The following VWA2 variants were observed in gnomAD, a reference collection of about 807,000 sequenced individuals.
The protein encoded by VWA2 is von Willebrand factor A domain containing 2.
A neutral mutation model predicts 70.4 loss-of-function variants in VWA2; 73 were observed. The ratio of observed to expected loss-of-function variants is 1.04; its 90% CI spans 0.86 to 1.26. The LOEUF (loss-of-function observed/expected upper bound fraction) is 1.26, where lower values mean the gene tolerates loss of function less well. VWA2 is among the 50% of genes most tolerant of loss of function. The pLI is 0.00. For missense variants in VWA2, 1,011 were observed against 998.5 expected (o/e 1.01, Z -0.17); for synonymous variants, 407 against 423.3 (o/e 0.96, Z 0.47).
intron 5 of VWA2, among the ~76,000 whole-genome samples, chr10:114,268,488 T>C (rs976831516): frequency 6.6e-6 from 1 of 152,010 alleles, no homozygotes; most frequent in Non-Finnish European, 1.5e-5. Flanking sequence ...GAGAATTATA[T>C]GGGCATATGC....
At chr10:114,256,550 C>T (rs2037332029) in intron 4 of VWA2, among the ~76,000 whole-genome samples, 2 of 152,158 alleles carry the variant, frequency 1.3e-5, no homozygotes. Context: ...CAGAGGCAGA[C>T]TCATCAATAC....
In VWA2 at chr10:114,278,959, A is replaced by T. The variant is rs2037924211; in HGVS notation, c.833+108A>T. The T allele has an allele frequency of 3.3e-6, 5 of 1,512,298 alleles. No individual in the cohort carries two copies. The South Asian group carries it at 6.1e-5, about 19-fold the overall frequency. The allele number at this position is 1,512,298 out of a possible 1,614,324, so 93.7% of individuals were successfully genotyped here. On this transcript the variant is annotated intron_variant, in intron 8 of 13. Coordinates refer to ENST00000392982, the MANE Select transcript of VWA2 (RefSeq NM_001272046.2). ...CCCTGCCATGGAGATTGTGACAGGG[A>T]TCGAAGGAGACCTGGGAGGGAGCCA...
intron 1 of VWA2, among the ~76,000 whole-genome samples, chr10:114,242,507 C>T (rs942868828): frequency 1.3e-5 from 2 of 151,660 alleles, no homozygotes; most frequent in Non-Finnish European, 2.9e-5. Context: ...CCCTGTGTAC[C>T]AGTAAATCTG....
chr10:114,266,032 T>C (rs1319740369), intron 5 of VWA2, among the ~76,000 whole-genome samples: 1 of 152,110 alleles, frequency 6.6e-6, no homozygotes, highest in Admixed American at 6.6e-5. Flanking sequence ...GCGCGGTGGC[T>C]CACGTCTGTA....
chr10:114,259,799 A>G (rs1432672656), intron 4 of VWA2, among the ~76,000 whole-genome samples: 2 of 152,172 alleles, frequency 1.3e-5, no homozygotes, highest in Non-Finnish European at 2.9e-5. Context: ...CTTCTTCCTG[A>G]GATCACCTAC....
chr10:114,250,247 C>T (rs1022376316), intron 2 of VWA2, among the ~76,000 whole-genome samples: 12 of 152,212 alleles, frequency 7.9e-5, no homozygotes, highest in Admixed American at 6.5e-5. Flanking sequence ...TCTTTATTCA[C>T]CACTATATTA....
At chr10:114,248,968 C>T (rs931451395) in intron 2 of VWA2, among the ~76,000 whole-genome samples, 4 of 152,008 alleles carry the variant, frequency 2.6e-5, no homozygotes, top group Non-Finnish European at 4.4e-5. Context: ...CTGGGTCCCC[C>T]GGTCCTCCTC....
At chr10:114,269,546 A>G (rs1178622853) in intron 5 of VWA2, among the ~76,000 whole-genome samples, 1 of 151,868 alleles carries the variant, frequency 6.6e-6, no homozygotes, top group Non-Finnish European at 1.5e-5. Flanking sequence ...ATGCCACAAC[A>G]CTCCAGCCTG....
chr10:114,268,423 G>T (rs2037622008), intron 5 of VWA2, among the ~76,000 whole-genome samples: 1 of 152,096 alleles, frequency 6.6e-6, no homozygotes, highest in African/African-American at 2.4e-5. Flanking sequence ...CTCATGAGTG[G>T]CATAACCTTA....
chr10:114,251,646 A>G (rs2037197795), intron 2 of VWA2, among the ~76,000 whole-genome samples: 1 of 152,054 alleles, frequency 6.6e-6, no homozygotes, highest in African/African-American at 2.4e-5. Context: ...GTTTACGCAG[A>G]GGGCTGGGCG....
chr10:114,285,906 G>T, intron 10 of VWA2, 33 bp from the exon 11 acceptor site: 1 of 1,551,740 alleles, frequency 6.4e-7, no homozygotes, highest in Non-Finnish European at 8.7e-7. Flanking sequence ...CATGACCATG[G>T]CTTGACAGTG....
intron 5 of VWA2, among the ~76,000 whole-genome samples, chr10:114,264,426 T>C (rs1433518314): frequency 6.6e-6 from 1 of 151,724 alleles, no homozygotes; most frequent in Non-Finnish European, 1.5e-5. Flanking sequence ...ACGTTTTCTT[T>C]TTTTTTTTTG....
At chr10:114,261,417 C>G in intron 5 of VWA2, 122 bp downstream of exon 5, 1 of 647,506 alleles carries the variant, frequency 1.5e-6, no homozygotes, top group South Asian at 2.2e-5. Context: ...TTCAGGAGTC[C>G]AGCTGGGCAC....
chr10:114,240,976 A>G (rs2036965463), intron 1 of VWA2, among the ~76,000 whole-genome samples: 1 of 152,234 alleles, frequency 6.6e-6, no homozygotes, highest in South Asian at 2.1e-4. Flanking sequence ...GATTACAGCC[A>G]GTATTTCCCC....
chr10:114,266,664 G>A (rs746050204), intron 5 of VWA2, among the ~76,000 whole-genome samples: 23 of 152,186 alleles, frequency 1.5e-4, no homozygotes, highest in Non-Finnish European at 2.8e-4. Context: ...CTGGTGATTG[G>A]TTCCTGAATG....
chr10:114,286,392 G>A lies in VWA2; in HGVS notation c.1451G>A (p.Arg484Gln), dbSNP rs748656402. The A allele has an allele frequency of 7.4e-6, 12 of 1,613,882 alleles. No individual in the cohort carries two copies. The highest frequency in any genetic ancestry group is 4.4e-5 in the South Asian group (4 of 91,080). The change falls in exon 11 of 14, where the codon CGG (arginine) becomes CAG (glutamine). Residue 484 changes from arginine to glutamine, a missense_variant. Arg to Gln is a conservative substitution (Grantham distance 43). Coordinates refer to ENST00000392982, the MANE Select transcript of VWA2 (RefSeq NM_001272046.2). The part of the protein sequence containing the change: ...LLLGVGSEAV[R>Q]AELEEITGSP... ...CTGGGTGTAGGCAGTGAGGCCGTGC[G>A]GGCAGAGCTGGAGGAGATCACAGGC...
chr10:114,239,755 G>T (rs1030424740), intron 1 of VWA2, among the ~76,000 whole-genome samples, 186 bp downstream of exon 1: 2 of 152,238 alleles, frequency 1.3e-5, no homozygotes, highest in Non-Finnish European at 2.9e-5. Context: ...CCTGAGCGCG[G>T]CCTTCCTGGC....
At position 114,289,069 on chromosome 10, in the gene VWA2, ACAC is replaced by A; in HGVS notation, c.1703_1705del (p.Thr568_Gln569delinsLys). On this transcript the variant is annotated inframe_deletion, in exon 12 of 14. Coordinates refer to ENST00000392982, the MANE Select transcript of VWA2 (RefSeq NM_001272046.2). ...CCAGTTTGAGGTGAACCCTGACGTGACACAGGTCGGCCTGGTGGTGTATGGCAG... is the reference window on the plus strand; with the variant it reads ...CCAGTTTGAGGTGAACCCTGACGTGAAGGTCGGCCTGGTGGTGTATGGCAG... The A allele has an allele frequency of 6.2e-7, 1 of 1,614,140 alleles. No homozygotes were observed. Among genetic ancestry groups the A allele is most frequent in the Non-Finnish European group, 8.5e-7 (1 of 1,180,042 alleles).
intron 1 of VWA2, among the ~76,000 whole-genome samples, chr10:114,239,974 G>A (rs1352550546): frequency 5.9e-5 from 9 of 152,282 alleles, no homozygotes; most frequent in East Asian, 5.8e-4. Flanking sequence ...TGGCGGCCGC[G>A]GAAAGGGACT....
Sources: allele counts gnomAD v4.1 joint callset (sites outside exome capture counted in the v4.1 genomes callset), GRCh38; gene constraint gnomAD v4.1.1; transcripts MANE v1.5; gene names NCBI Gene and HGNC (gene_info 2026-07-23, HGNC 2026-07-21).